EPM2A: variants seen among roughly 807,000 people sequenced by gnomAD.
EPM2A encodes laforin.
Under a neutral mutation model 26.5 loss-of-function variants are expected in EPM2A, and 21 were observed. The ratio of observed to expected loss-of-function variants is 0.79; its 90% CI spans 0.56 to 1.14. The LOEUF is 1.14. EPM2A is among the 50% of genes most tolerant of loss of function. The pLI, the probability that EPM2A is intolerant of heterozygous loss-of-function variation, is 0.00. For synonymous variants in EPM2A, 217 were observed against 177.6 expected (o/e 1.22, Z -1.76); for missense variants, 458 against 440.8 (o/e 1.04, Z -0.35).
chr6:145,688,975 C>G (rs2128616961), intron 1 of EPM2A, among the ~76,000 whole-genome samples: 1 of 152,314 alleles, frequency 6.6e-6, no homozygotes, highest in South Asian at 2.1e-4. Context: ...AAAACAATAT[C>G]TGTGGCTCCC....
intron 1 of EPM2A, among the ~76,000 whole-genome samples, chr6:145,730,020 ATCTT>A (rs1776406062): frequency 6.6e-6 from 1 of 151,950 alleles, no homozygotes; most frequent in Admixed American, 6.6e-5. Context: ...GCACTTCCCC[ATCTT>A]TCTCTCTTCC....
intron 1 of EPM2A, among the ~76,000 whole-genome samples, chr6:145,714,614 A>G (rs1775515805): frequency 6.6e-6 from 1 of 152,242 alleles, no homozygotes; most frequent in Non-Finnish European, 1.5e-5. Flanking sequence ...AATTTACAAA[A>G]GAAAGAGGTT....
At chr6:145,487,149 T>C (rs896668994) in intron 4 of EPM2A, among the ~76,000 whole-genome samples, 3 of 152,224 alleles carry the variant, frequency 2.0e-5, no homozygotes, top group African/African-American at 7.2e-5. Flanking sequence ...GCTGCATCCA[T>C]GCCCTTGCAA....
At chr6:145,549,163 A>G (rs542109287) in intron 2 of EPM2A, among the ~76,000 whole-genome samples, 1 of 152,242 alleles carries the variant, frequency 6.6e-6, no homozygotes, top group Non-Finnish European at 1.5e-5. Flanking sequence ...CCAAAGCCCC[A>G]AAAAGTGATA....
At chr6:145,387,988 T>A (rs1307533104) in intron 4 of EPM2A, among the ~76,000 whole-genome samples, 1 of 152,088 alleles carries the variant, frequency 6.6e-6, no homozygotes, top group African/African-American at 2.4e-5. Flanking sequence ...TTCATTTGGG[T>A]GTTAACCACA....
chr6:145,691,001 G>A (rs1379547915), intron 1 of EPM2A, among the ~76,000 whole-genome samples: 1 of 151,128 alleles, frequency 6.6e-6, no homozygotes, highest in Non-Finnish European at 1.5e-5. Flanking sequence ...CAGACACTTA[G>A]GGACTTGTGG....
chr6:145,466,545 G>T (rs1203300160), intron 4 of EPM2A, among the ~76,000 whole-genome samples: 2 of 152,072 alleles, frequency 1.3e-5, no homozygotes, highest in Non-Finnish European at 2.9e-5. Flanking sequence ...ACTGTTGGTG[G>T]GACTGTAAAC....
At chr6:145,415,305 A>T (rs1374135517) in intron 4 of EPM2A, among the ~76,000 whole-genome samples, 1 of 152,222 alleles carries the variant, frequency 6.6e-6, no homozygotes, top group East Asian at 1.9e-4. Flanking sequence ...TAAAATTTAA[A>T]GACATTCTGA....
chr6:145,700,491 T>G (rs1426793423), intron 1 of EPM2A, among the ~76,000 whole-genome samples: 1 of 152,148 alleles, frequency 6.6e-6, no homozygotes, highest in Non-Finnish European at 1.5e-5. Context: ...AGTCTCATTG[T>G]ATAAGCAAAT....
chr6:145,542,366 C>T (rs1376347950), intron 2 of EPM2A, among the ~76,000 whole-genome samples: 8 of 152,098 alleles, frequency 5.3e-5, no homozygotes, highest in Non-Finnish European at 8.8e-5. Flanking sequence ...TGGATTTCAG[C>T]GATGAGTGAA....
intron 2 of EPM2A, among the ~76,000 whole-genome samples, chr6:145,649,718 A>G (rs1269604135): frequency 6.6e-6 from 1 of 152,256 alleles, no homozygotes; most frequent in African/African-American, 2.4e-5. Context: ...TTTTGTAAAT[A>G]AAGTTTTATT....
intron 4 of EPM2A, among the ~76,000 whole-genome samples, chr6:145,447,318 C>T (rs1379043896): frequency 5.3e-5 from 8 of 152,048 alleles, no homozygotes; most frequent in Admixed American, 5.2e-4. Flanking sequence ...TTCTACTTCC[C>T]TACTTTGCAA....
chr6:145,526,521 G>C (rs1006167025), intron 2 of EPM2A, among the ~76,000 whole-genome samples: 5 of 151,842 alleles, frequency 3.3e-5, no homozygotes, highest in African/African-American at 1.2e-4. Flanking sequence ...TTCAGTCTGG[G>C]GTGGGTGTCT....
At chr6:145,446,725 T>G (rs1199165763) in intron 4 of EPM2A, among the ~76,000 whole-genome samples, 2 of 151,942 alleles carry the variant, frequency 1.3e-5, no homozygotes, top group Non-Finnish European at 2.9e-5. Context: ...TTCTTCTGCT[T>G]GGTTGCTTGG....
chr6:145,673,055 G>A (rs925622337), intron 2 of EPM2A, among the ~76,000 whole-genome samples: 15 of 150,828 alleles, frequency 9.9e-5, no homozygotes, highest in East Asian at 3.9e-4. Flanking sequence ...GAGACAAACC[G>A]AAGAGAAAAA....
intron 4 of EPM2A, among the ~76,000 whole-genome samples, chr6:145,407,107 T>A (rs1778579500): frequency 6.6e-6 from 1 of 152,098 alleles, no homozygotes; most frequent in African/African-American, 2.4e-5. Flanking sequence ...ATTTCACTAA[T>A]CCCTGTCTTT....
At chr6:145,494,775 C>T (rs1197474534) in intron 4 of EPM2A, among the ~76,000 whole-genome samples, 1 of 152,160 alleles carries the variant, frequency 6.6e-6, no homozygotes, top group African/African-American at 2.4e-5. Context: ...TATTCAATTT[C>T]CATGTAATAT....
chr6:145,730,516 G>A (rs999280189), intron 1 of EPM2A, among the ~76,000 whole-genome samples: 11 of 152,198 alleles, frequency 7.2e-5, no homozygotes, highest in Admixed American at 2.0e-4. Context: ...CTTCTTGTGG[G>A]AAAGCCTAGC....
intron 4 of EPM2A, among the ~76,000 whole-genome samples, chr6:145,469,486 C>G (rs968123253): frequency 1.3e-5 from 2 of 151,956 alleles, no homozygotes; most frequent in Admixed American, 6.6e-5. Context: ...TCATCTCACT[C>G]CAGTTAAAAT....
Sources: gnomAD v4.1 joint callset for allele counts (sites outside exome capture counted in the v4.1 genomes callset) on GRCh38, gnomAD v4.1.1 for gene constraint, MANE v1.5 for transcripts, NCBI Gene and HGNC (gene_info 2026-07-23, HGNC 2026-07-21) for gene names.